PDE3B: variants seen among roughly 807,000 people sequenced by gnomAD.
PDE3B encodes the protein phosphodiesterase 3B, also known as cGMP-inhibited 3',5'-cyclic phosphodiesterase 3B.
A neutral mutation model predicts 116.8 loss-of-function variants in PDE3B; 66 were observed. That is an observed-to-expected ratio of 0.56 (90% CI 0.46 to 0.69). The LOEUF is 0.69. Ranked by LOEUF, PDE3B falls within the 30% of genes least tolerant of loss-of-function variation. The pLI, the probability that PDE3B is intolerant of heterozygous loss-of-function variation, is 0.00. For synonymous variants in PDE3B, 595 were observed against 533.6 expected, an observed-to-expected ratio of 1.12 and a Z score of -1.59; for missense variants, 1,384 against 1,368.1, an observed-to-expected ratio of 1.01 and a Z score of -0.18.
Position 14,871,477 on chromosome 11 carries a change from A to AC in PDE3B, c.*1818dup, listed in dbSNP as rs534143136. The AC allele has an allele frequency of 3.0e-4, 46 of 152,196 alleles. No individual in the cohort carries two copies. The highest frequency in any genetic ancestry group is 5.7e-4 in the Non-Finnish European group (39 of 68,018). 9.4% of individuals were successfully genotyped at this position (152,196 alleles called of 1,614,324 possible). On this transcript the variant is annotated 3_prime_UTR_variant, in exon 16 of 16. Transcript: ENST00000282096. The stretch of plus-strand genomic sequence containing the variant: ...TTATTTCCTCTCCTGCAGAATACAT[A>AC]CAAGTGTATGTGTATAAAGTCATAC...
chr11:14,831,123 T>C (rs1249950856), intron 8 of PDE3B, among the ~76,000 whole-genome samples: 1 of 151,728 alleles, frequency 6.6e-6, no homozygotes, highest in Non-Finnish European at 1.5e-5. Context: ...TCTGATATTT[T>C]CTTTTGCGTA....
chr11:14,704,832 C>T (rs1321453754), intron 1 of PDE3B, among the ~76,000 whole-genome samples: 2 of 151,370 alleles, frequency 1.3e-5, no homozygotes, highest in Non-Finnish European at 3.0e-5. Context: ...ACAGAAAACA[C>T]AAACCATAAA....
chr11:14,803,988 C>G lies in PDE3B; in HGVS notation c.1460C>G (p.Thr487Ser). ...GGGCCTTTTAATTCAAATCTACTGA[C>G]TATCCCGAAGCAAAGGTCATCTTCT... ...LNGPFNSNLL[T>S]IPKQRSSSVS... Residue 487 changes from threonine (T) to serine (S), a missense_variant, in exon 5 of 16, where the codon ACT (threonine) becomes AGT (serine). By Grantham distance (58) the Thr-to-Ser change is moderately conservative (BLOSUM62 1). This residue lies in a region of PDE3B where 956 missense variants were observed against 806.8 expected (regional missense o/e 1.18). Transcript: ENST00000282096. The G allele has an allele frequency of 3.7e-6, 6 of 1,611,502 alleles. No individual in the cohort carries two copies. The highest frequency in any genetic ancestry group is 4.2e-6 in the Non-Finnish European group (5 of 1,177,680).
chr11:14,761,910 G>A (rs1390254613), intron 1 of PDE3B, among the ~76,000 whole-genome samples: 4 of 152,046 alleles, frequency 2.6e-5, no homozygotes, highest in African/African-American at 9.7e-5. Flanking sequence ...TATAAATTGA[G>A]TTTTTAAGTT....
chr11:14,861,404 C>T (rs962433401), intron 14 of PDE3B, 38 bp downstream of exon 14: 2 of 1,588,126 alleles, frequency 1.3e-6, no homozygotes, highest in Non-Finnish European at 1.7e-6. Context: ...TTTTTAAGAG[C>T]TGTCATGAGA....
chr11:14,748,890 CTTTT>C (rs372787656), intron 1 of PDE3B, among the ~76,000 whole-genome samples: 2 of 137,632 alleles, frequency 1.5e-5, no homozygotes, highest in African/African-American at 2.7e-5. Flanking sequence ...TCTTTTCTTT[CTTTT>C]TTTTTTTTTT....
chr11:14,874,938 C>T (rs782693425), downstream of PDE3B, among the ~76,000 whole-genome samples: 10 of 152,090 alleles, frequency 6.6e-5, no homozygotes, highest in Non-Finnish European at 1.2e-4. Context: ...ACAGTTTAGG[C>T]GCTAGAGAAC....
chr11:14,760,458 C>T (rs1455429341), intron 1 of PDE3B, among the ~76,000 whole-genome samples: 1 of 152,150 alleles, frequency 6.6e-6, no homozygotes, highest in Non-Finnish European at 1.5e-5. Flanking sequence ...TAATTTGCAT[C>T]TGATTTATAT....
chr11:14,811,714 C>G (rs1377926689), intron 5 of PDE3B, among the ~76,000 whole-genome samples: 1 of 151,920 alleles, frequency 6.6e-6, no homozygotes, highest in Non-Finnish European at 1.5e-5. Context: ...GGCATTGAAT[C>G]TGTAAATTAC....
chr11:14,839,971 T>G (rs11023350), intron 11 of PDE3B, among the ~76,000 whole-genome samples: 55,252 of 152,066 alleles, frequency 0.36, 11,468 homozygotes, highest in Admixed American at 0.46. Flanking sequence ...GGATAACTGA[T>G]ACATTTGAAA....
intron 14 of PDE3B, among the ~76,000 whole-genome samples, chr11:14,863,793 T>C (rs1240081135): frequency 6.6e-6 from 1 of 152,002 alleles, no homozygotes; most frequent in Non-Finnish European, 1.5e-5. Flanking sequence ...TTACAAGAAC[T>C]CCTGAAGGAC....
chr11:14,895,353 C>G, the PDE3B span, among the ~76,000 whole-genome samples: 1 of 152,214 alleles, frequency 6.6e-6, no homozygotes, highest in East Asian at 1.9e-4. Context: ...TAATAGTGAT[C>G]CTGCCTTATT....
intron 1 of PDE3B, among the ~76,000 whole-genome samples, chr11:14,746,183 C>T (rs965792597): frequency 3.3e-5 from 5 of 152,212 alleles, no homozygotes; most frequent in Non-Finnish European, 7.3e-5. Flanking sequence ...CACTTAAGGT[C>T]AGGAGTTCGT....
At chr11:14,824,117 G>T (rs1232489401) in intron 7 of PDE3B, among the ~76,000 whole-genome samples, 2 of 152,114 alleles carry the variant, frequency 1.3e-5, no homozygotes, top group African/African-American at 4.8e-5. Flanking sequence ...CTCTCAACCT[G>T]GTACTCTAGC....
Position 14,644,059 on chromosome 11 carries a change from C to A in PDE3B, c.-17C>A, listed in dbSNP as rs759700722. On this transcript the variant is annotated 5_prime_UTR_variant, in exon 1 of 16. Coordinates refer to ENST00000282096, the MANE Select transcript of PDE3B (RefSeq NM_000922.4). ...AGCGGGGTGTGCTGAGTCCCGTGGCCACCCCCGGCCCCAGCCATGAGGAGG... is the reference window on the plus strand; with the variant it reads ...AGCGGGGTGTGCTGAGTCCCGTGGCAACCCCCGGCCCCAGCCATGAGGAGG... 4.6e-5 allele frequency: 69 copies of A among 1,488,446 alleles called. No homozygotes were observed. Among genetic ancestry groups the A allele is most frequent in the Non-Finnish European group, 4.0e-5 (45 of 1,130,306 alleles). The allele number at this position is 1,488,446 out of a possible 1,614,324, so 92.2% of individuals were successfully genotyped here. A position where few individuals can be genotyped will look rare whatever the true frequency, so the allele number is the denominator to read the frequency against.
chr11:14,799,406 C>G (rs988603241), intron 4 of PDE3B, among the ~76,000 whole-genome samples: 24 of 152,156 alleles, frequency 1.6e-4, no homozygotes, highest in Non-Finnish European at 2.9e-4. Context: ...AATGTATATT[C>G]TGTTGATTTG....
At chr11:14,761,628 T>G (rs1017790135) in intron 1 of PDE3B, among the ~76,000 whole-genome samples, 1 of 152,170 alleles carries the variant, frequency 6.6e-6, no homozygotes, top group African/African-American at 2.4e-5. Context: ...TTTATAAGTA[T>G]AGGATACCAT....
chr11:14,789,838 A>T (rs1858329554), intron 4 of PDE3B, among the ~76,000 whole-genome samples: 1 of 152,048 alleles, frequency 6.6e-6, no homozygotes, highest in Non-Finnish European at 1.5e-5. Context: ...AATCTCCCGA[A>T]TGTAAATATA....
At chr11:14,799,085 T>C (rs1055205091) in intron 4 of PDE3B, among the ~76,000 whole-genome samples, 25 of 152,274 alleles carry the variant, frequency 1.6e-4, no homozygotes, top group African/African-American at 5.1e-4. Flanking sequence ...ATAAATTTCC[T>C]TTTACGCACT....
Sources: allele counts gnomAD v4.1 joint callset (sites outside exome capture counted in the v4.1 genomes callset), GRCh38; gene constraint gnomAD v4.1.1; regional missense constraint gnomAD v4.1.1; transcripts MANE v1.5; gene names NCBI Gene and HGNC (gene_info 2026-07-23, HGNC 2026-07-21).